The following ZBTB16 variants were observed in gnomAD, a reference collection of about 807,000 sequenced individuals.
ZBTB16 encodes the protein zinc finger and BTB domain containing 16, also known as zinc finger and BTB domain-containing protein 16.
A neutral mutation model predicts 56.8 loss-of-function variants in ZBTB16; 8 were observed. That is an observed-to-expected ratio of 0.14 (90% CI 0.08 to 0.25). The LOEUF (loss-of-function observed/expected upper bound fraction) is 0.25. ZBTB16 is among the 10% of genes least tolerant of loss of function. The pLI is 1.00. For synonymous variants in ZBTB16, 363 were observed against 368.5 expected (o/e 0.98, Z 0.17); for missense variants, 625 against 903.0 (o/e 0.69, Z 3.95).
rs1178557013 is a variant in ZBTB16 at position 114,255,159 on chromosome 11, G to T, written c.*4604G>T. Among the ~76,000 whole-genome samples the T allele has an allele frequency of 6.6e-6, 1 of 152,126 alleles. No individual in the cohort carries two copies. The highest frequency in any genetic ancestry group is 1.5e-5 in the Non-Finnish European group (1 of 68,020). The stretch of plus-strand genomic sequence containing the variant: ...ATAGCACTGAGGGCCCTGCTGCCCT[G>T]CTGGACCAAGCAAAACTAAGCCTTT... On this transcript the variant is annotated 3_prime_UTR_variant, in exon 7 of 7. Transcript: ENST00000335953.
chr11:114,117,865 A>G (rs1211385854), intron 2 of ZBTB16, among the ~76,000 whole-genome samples: 1 of 152,202 alleles, frequency 6.6e-6, no homozygotes, highest in Non-Finnish European at 1.5e-5. Flanking sequence ...CCCTTGAATA[A>G]TGTAAAGTGT....
intron 2 of ZBTB16, among the ~76,000 whole-genome samples, chr11:114,120,745 G>A (rs1408477801): frequency 1.3e-5 from 2 of 152,164 alleles, no homozygotes; most frequent in Non-Finnish European, 2.9e-5. Flanking sequence ...AGGGCCCATC[G>A]AGGGAGCAGA....
chr11:114,202,686 T>C (rs2135107978), intron 4 of ZBTB16, among the ~76,000 whole-genome samples: 1 of 152,348 alleles, frequency 6.6e-6, no homozygotes, highest in Admixed American at 6.5e-5. Flanking sequence ...GCAGTGAAGA[T>C]TCCTGCTTAG....
chr11:114,098,856 G>A (rs774163683), intron 2 of ZBTB16, among the ~76,000 whole-genome samples: 4 of 151,964 alleles, frequency 2.6e-5, no homozygotes, highest in Non-Finnish European at 5.9e-5. Flanking sequence ...AATGGGGGAG[G>A]GGTCTTTTCA....
At chr11:114,075,350 T>C (rs770348791) in intron 2 of ZBTB16, among the ~76,000 whole-genome samples, 1 of 152,192 alleles carries the variant, frequency 6.6e-6, no homozygotes. Flanking sequence ...AAGTAGGTGA[T>C]GTATAGAGAA....
rs149209748 is a variant in ZBTB16, at chr11:114,237,503, C to T, written c.1454-4664C>T. ...TCCATAGCAGAGGACGGAACCCAGG[C>T]GTTGAAGGGAGCAGAGCGTTCCAGT... is the stretch of plus-strand genomic sequence containing the variant. On this transcript the variant is annotated intron_variant, in intron 4 of 6. Transcript: ENST00000335953. Among the ~76,000 whole-genome samples, 602 of 152,290 alleles carry T rather than the reference C, an allele frequency of 4.0e-3. 7 individuals carry two copies. Among genetic ancestry groups the T allele is most frequent in the African/African-American group, 0.014 (568 of 41,566 alleles).
intron 4 of ZBTB16, 108 bp from the exon 5 acceptor site, chr11:114,242,059 T>G: frequency 7.0e-7 from 1 of 1,438,280 alleles, no homozygotes. Flanking sequence ...CCCCTGAGCA[T>G]GGGGATTTGG....
At chr11:114,179,038 C>T (rs1943183899) in intron 3 of ZBTB16, among the ~76,000 whole-genome samples, 1 of 152,208 alleles carries the variant, frequency 6.6e-6, no homozygotes, top group Non-Finnish European at 1.5e-5. Flanking sequence ...TTCATTCACC[C>T]TCCCATCTTG....
At chr11:114,209,404 G>T (rs915775838) in intron 4 of ZBTB16, 1 of 985,246 alleles carries the variant, frequency 1.0e-6, no homozygotes, top group African/African-American at 1.7e-5. Flanking sequence ...GAGGGAGGAA[G>T]GATATAAAAG....
At chr11:114,157,396 AT>A (rs1019933232) in intron 3 of ZBTB16, among the ~76,000 whole-genome samples, 2 of 152,156 alleles carry the variant, frequency 1.3e-5, no homozygotes, top group African/African-American at 4.8e-5. Flanking sequence ...AACTTACATA[AT>A]TTTTTGGAGG....
intron 2 of ZBTB16, among the ~76,000 whole-genome samples, chr11:114,102,611 G>A (rs1940653804): frequency 6.6e-6 from 1 of 151,000 alleles, no homozygotes; most frequent in East Asian, 1.9e-4. Flanking sequence ...GAAATGCATG[G>A]GCCTGTGTTT....
chr11:114,065,060 G>A (rs1939061261), intron 2 of ZBTB16, among the ~76,000 whole-genome samples: 2 of 152,174 alleles, frequency 1.3e-5, no homozygotes, highest in South Asian at 4.2e-4. Context: ...GGCTGCTTAA[G>A]CCACAAGAGC....
At chr11:114,233,679 C>A (rs547230125) in intron 4 of ZBTB16, among the ~76,000 whole-genome samples, 1 of 151,918 alleles carries the variant, frequency 6.6e-6, no homozygotes, top group African/African-American at 2.4e-5. Context: ...TTTTCTCCCC[C>A]TCTTGGGCTG....
At chr11:114,245,696 G>A (rs1944801955) in intron 5 of ZBTB16, among the ~76,000 whole-genome samples, 1 of 152,110 alleles carries the variant, frequency 6.6e-6, no homozygotes, top group Non-Finnish European at 1.5e-5. Flanking sequence ...GTTTGACATG[G>A]GGATAATGCA....
At chr11:114,072,287 T>G (rs1939376125) in intron 2 of ZBTB16, among the ~76,000 whole-genome samples, 1 of 152,230 alleles carries the variant, frequency 6.6e-6, no homozygotes, top group African/African-American at 2.4e-5. Context: ...TCTTGTACTG[T>G]GGTGGCCAGG....
intron 4 of ZBTB16, among the ~76,000 whole-genome samples, chr11:114,215,828 CA>C (rs1944083535): frequency 6.6e-6 from 1 of 152,122 alleles, no homozygotes; most frequent in South Asian, 2.1e-4. Flanking sequence ...ATGTTGGGTA[CA>C]AAATTCAGGC....
At chr11:114,237,958 G>T (rs941524047) in intron 4 of ZBTB16, among the ~76,000 whole-genome samples, 1 of 152,184 alleles carries the variant, frequency 6.6e-6, no homozygotes, top group African/African-American at 2.4e-5. Context: ...CGTGACCAAG[G>T]AGCACCCCTG....
Position 114,218,177 on chromosome 11 carries a change from C to T in ZBTB16, c.1454-23990C>T, listed in dbSNP as rs151036852. On this transcript the variant is annotated intron_variant, in intron 4 of 6. Transcript: ENST00000335953. ...TGTTGGAAATTTCTCAGAGAAGGAC[C>T]TGCTGTGCTGCACGGACCTTCCTGG... Among the ~76,000 whole-genome samples the T allele has an allele frequency of 4.6e-3, 704 of 152,348 alleles. 3 individuals are homozygous for T. The highest frequency in any genetic ancestry group is 0.016 in the African/African-American group (679 of 41,580).
intron 2 of ZBTB16, among the ~76,000 whole-genome samples, chr11:114,072,139 T>C (rs1939369309): frequency 6.6e-6 from 1 of 152,234 alleles, no homozygotes; most frequent in East Asian, 1.9e-4. Context: ...TGTGTTCATG[T>C]TGGTCCAGAT....
Sources: gnomAD v4.1 joint callset for allele counts (sites outside exome capture counted in the v4.1 genomes callset) on GRCh38, gnomAD v4.1.1 for gene constraint, MANE v1.5 for transcripts, NCBI Gene and HGNC (gene_info 2026-07-23, HGNC 2026-07-21) for gene names.